The following KIF3A variants were observed in gnomAD, a reference collection of about 807,000 sequenced individuals.
KIF3A encodes kinesin family member 3A.
KIF3A carries 27 observed loss-of-function variants against 92.6 expected under a neutral mutation model. The ratio of observed to expected loss-of-function variants is 0.29; its 90% confidence interval spans 0.21 to 0.40. KIF3A has a LOEUF of 0.40. Among genes scored for constraint, KIF3A ranks in the 10% least tolerant of loss-of-function variants. The pLI is 1.00. For missense variants in KIF3A, 581 were observed against 872.6 expected, an observed-to-expected ratio of 0.67 and a Z score of 4.21; for synonymous variants, 250 against 275.4, an observed-to-expected ratio of 0.91 and a Z score of 0.92.
At chr5:132,716,130 C>A (rs1753613112) in intron 7 of KIF3A, 115 bp downstream of exon 7, 1 of 965,306 alleles carries the variant, frequency 1.0e-6, no homozygotes, top group Admixed American at 2.5e-5. Context: ...AGGACAACCA[C>A]AAGTCAAAAA....
In KIF3A at chr5:132,696,160, G is replaced by T. The variant is rs1386343538; in HGVS notation, c.*474C>A. The stretch of plus-strand genomic sequence containing the variant: ...ATGTGTTCAAACAGGCTGGGTGGGT[G>T]TTAGGACGGAATCATTCTTTAGATG... On this transcript the variant is annotated 3_prime_UTR_variant, in exon 19 of 19. Coordinates refer to ENST00000403231, the MANE Select transcript of KIF3A (RefSeq NM_001300791.2). 1 of 152,856 alleles carries T rather than the reference G, an allele frequency of 6.5e-6. No homozygotes were observed. Among genetic ancestry groups the T allele is most frequent in the African/African-American group, 2.4e-5 (1 of 41,434 alleles). The allele number at this position is 152,856 out of a possible 1,614,324, so 9.5% of individuals were successfully genotyped here.
At chr5:132,696,954 T>C (rs569912321) in intron 18 of KIF3A, among the ~76,000 whole-genome samples, 1 of 152,202 alleles carries the variant, frequency 6.6e-6, no homozygotes, top group Non-Finnish European at 1.5e-5. Flanking sequence ...CTAGACTAGG[T>C]CATGTGGCCA....
At position 132,721,539 on chromosome 5, in the gene KIF3A, A is replaced by G. The variant is rs954340224; in HGVS notation, c.511-825T>C. 7.9e-5 allele frequency: 12 copies of G among 152,326 alleles called. 1 individual carries two copies. The highest frequency in any genetic ancestry group is 2.9e-4 in the African/African-American group (12 of 41,580). 9.4% of individuals were successfully genotyped at this position (152,326 alleles called of 1,614,324 possible). ...GACATCGAAGACAAATGAAAATCTG[A>G]TAAACAATTCCAGGGGAAAACGTTA... On this transcript the variant is annotated intron_variant, in intron 4 of 18. Coordinates refer to ENST00000403231, the MANE Select transcript of KIF3A (RefSeq NM_001300791.2).
rs1258046608 is a variant in KIF3A, at chr5:132,692,960, T to C, written c.*3674A>G. On this transcript the variant is annotated 3_prime_UTR_variant, in exon 19 of 19. Transcript: ENST00000403231. ...GAAATTGGGCAGACATTGGTGTACT[T>C]AAATGTAAACGCTACCCATTCCTTA... 6.6e-6 allele frequency: 1 copy of C among 152,610 alleles called. No individual in the cohort carries two copies. The allele number at this position is 152,610 out of a possible 1,614,324, so 9.5% of individuals were successfully genotyped here.
At chr5:132,702,708 G>A (rs770038390) in intron 13 of KIF3A, 40 bp from the exon 14 acceptor site, 1 of 1,453,732 alleles carries the variant, frequency 6.9e-7, no homozygotes, top group South Asian at 1.2e-5. Flanking sequence ...AAATTTCTTT[G>A]TAAAATCAAA....
chr5:132,720,614 T>C lies in KIF3A; in HGVS notation c.611A>G (p.Lys204Arg), dbSNP rs764174495. 2.3e-5 allele frequency: 37 copies of C among 1,598,012 alleles called. 1 individual carries two copies. The East Asian group carries it at 8.0e-4, about 35-fold the overall frequency. ...CAATTACACACTATACTTACGATTT[T>C]TGTGGCCTAGCGTCATAATTCTATC... ...DMDRIMTLGH[K>R]NRSVGATNMN... The change falls in exon 5 of 19, where the codon AAA (lysine) becomes AGA (arginine). Residue 204 changes from lysine (K) to arginine (R), a missense_variant. Coordinates refer to ENST00000403231, the MANE Select transcript of KIF3A (RefSeq NM_001300791.2).
intron 8 of KIF3A, among the ~76,000 whole-genome samples, chr5:132,711,621 C>A (rs955319981): frequency 2.6e-5 from 4 of 151,930 alleles, no homozygotes; most frequent in East Asian, 3.9e-4. Flanking sequence ...CAAATCATTT[C>A]TTTATGTATA....
intron 8 of KIF3A, among the ~76,000 whole-genome samples, chr5:132,713,617 G>C (rs1753506921): frequency 6.6e-6 from 1 of 152,024 alleles, no homozygotes; most frequent in Admixed American, 6.5e-5. Flanking sequence ...TTCCATTGCT[G>C]GGTACATACC....
intron 2 of KIF3A, among the ~76,000 whole-genome samples, chr5:132,730,831 C>A (rs983046246): frequency 4.6e-5 from 7 of 151,762 alleles, no homozygotes; most frequent in Non-Finnish European, 8.8e-5. Flanking sequence ...ATTAGCCAGG[C>A]GTGGTAGCAC....
At chr5:132,700,621 C>T (rs771468028) in intron 16 of KIF3A, 26 bp downstream of exon 16, 22 of 1,469,734 alleles carry the variant, frequency 1.5e-5, no homozygotes, top group African/African-American at 4.2e-5. Flanking sequence ...TTAATTATTA[C>T]GTGAAAGAAT....
chr5:132,725,017 G>A (rs1384871123), intron 4 of KIF3A, among the ~76,000 whole-genome samples: 6 of 149,574 alleles, frequency 4.0e-5, no homozygotes, highest in Admixed American at 2.0e-4. Context: ...AAAAAAAAAG[G>A]AGCACTGGGT....
intron 14 of KIF3A, 122 bp downstream of exon 14, chr5:132,702,436 G>T: frequency 2.9e-6 from 2 of 686,192 alleles, no homozygotes; most frequent in Non-Finnish European, 4.6e-6. Flanking sequence ...TGCACATAAA[G>T]AAATATTTTA....
Position 132,710,373 on chromosome 5 carries a change from T to C in KIF3A, c.1228+586A>G, listed in dbSNP as rs181428022. Among the ~76,000 whole-genome samples, 1,188 of 152,256 alleles carry C rather than the reference T, an allele frequency of 7.8e-3. 5 individuals are homozygous for C. The highest frequency in any genetic ancestry group is 0.034 in the Middle Eastern group (10 of 294). On this transcript the variant is annotated intron_variant, in intron 9 of 18. Coordinates refer to ENST00000403231, the MANE Select transcript of KIF3A (RefSeq NM_001300791.2). ...GGCTCACGCCTGTAGTCCCAGCACT[T>C]TGGGAGGCCGAGGCAGATGGATCAT...
intron 4 of KIF3A, chr5:132,723,237 T>C (rs1189857291): frequency 6.6e-5 from 10 of 152,282 alleles, no homozygotes; most frequent in South Asian, 2.1e-4. Flanking sequence ...AGGTAATTTA[T>C]AGATTCAATA....
At chr5:132,716,133 G>T in intron 7 of KIF3A, 112 bp downstream of exon 7, 1 of 981,320 alleles carries the variant, frequency 1.0e-6, no homozygotes, top group Non-Finnish European at 1.5e-6. Context: ...ACAACCACAA[G>T]TCAAAAAAAG....
At position 132,695,343 on chromosome 5, in the gene KIF3A, T is replaced by C. The variant is rs1752797630; in HGVS notation, c.*1291A>G. On this transcript the variant is annotated 3_prime_UTR_variant, in exon 19 of 19. Coordinates refer to ENST00000403231, the MANE Select transcript of KIF3A (RefSeq NM_001300791.2). ...TGCGCCACCACACCCAGCTAATTAT[T>C]GTATTTGTACTGGAGACAGGGTTTC... The C allele has an allele frequency of 6.6e-6, 1 of 152,152 alleles. No individual in the cohort carries two copies. Among genetic ancestry groups the C allele is most frequent in the Non-Finnish European group, 1.5e-5 (1 of 68,056 alleles). The allele number at this position is 152,152 out of a possible 1,614,324, so 9.4% of individuals were successfully genotyped here. A position where few individuals can be genotyped will look rare whatever the true frequency, so the allele number is the denominator to read the frequency against.
At chr5:132,689,766 G>A (rs1383295042), downstream of KIF3A, 1 of 152,268 alleles carries the variant, frequency 6.6e-6, no homozygotes, top group Non-Finnish European at 1.5e-5. Context: ...GGGGGAAAAG[G>A]CAGCACGATT....
intron 8 of KIF3A, among the ~76,000 whole-genome samples, chr5:132,714,140 A>G (rs1041526177): frequency 6.6e-6 from 1 of 151,332 alleles, no homozygotes; most frequent in African/African-American, 2.4e-5. Flanking sequence ...CAACTGATCC[A>G]CCCGCCTCGG....
At chr5:132,714,546 A>C (rs1402995424) in intron 8 of KIF3A, among the ~76,000 whole-genome samples, 2 of 152,218 alleles carry the variant, frequency 1.3e-5, no homozygotes, top group East Asian at 3.8e-4. Flanking sequence ...CCATGATTTT[A>C]CTTATATGAG....
Sources: allele counts gnomAD v4.1 joint callset (sites outside exome capture counted in the v4.1 genomes callset), GRCh38; gene constraint gnomAD v4.1.1; transcripts MANE v1.5; gene names NCBI Gene and HGNC (gene_info 2026-07-23, HGNC 2026-07-21).